BCL2L13: variants seen among roughly 807,000 people sequenced by gnomAD.
BCL2L13 encodes bcl-2-like protein 13.
In BCL2L13, 13 loss-of-function variants were observed where a neutral mutation model predicts 25.8. That is an observed-to-expected ratio of 0.50 (90% CI 0.33 to 0.80). The LOEUF is 0.80. Ranked by LOEUF, BCL2L13 falls within the 30% of genes least tolerant of loss-of-function variation. The pLI is 0.02. For missense variants in BCL2L13, 504 were observed against 574.9 expected, an observed-to-expected ratio of 0.88 and a Z score of 1.26; for synonymous variants, 244 against 230.3, an observed-to-expected ratio of 1.06 and a Z score of -0.54.
chr22:17,669,522 A>C (rs939960130), intron 2 of BCL2L13, among the ~76,000 whole-genome samples: 2 of 152,190 alleles, frequency 1.3e-5, no homozygotes, highest in Non-Finnish European at 2.9e-5. Context: ...TCTGGCAGAA[A>C]GGAACTGAGC....
intron 2 of BCL2L13, among the ~76,000 whole-genome samples, chr22:17,670,774 G>T (rs1419351339): frequency 6.6e-6 from 1 of 152,120 alleles, no homozygotes; most frequent in Non-Finnish European, 1.5e-5. Context: ...TTTCTATCAG[G>T]AACAGAAGAT....
intron 2 of BCL2L13, among the ~76,000 whole-genome samples, chr22:17,656,248 A>AAT (rs1336730469): frequency 6.6e-6 from 1 of 151,002 alleles, no homozygotes; most frequent in Admixed American, 6.6e-5. Flanking sequence ...TCAAAAAAAA[A>AAT]AAAATATACA....
intron 6 of BCL2L13, among the ~76,000 whole-genome samples, chr22:17,721,849 A>G (rs1276299803): frequency 6.6e-6 from 1 of 151,356 alleles, no homozygotes; most frequent in African/African-American, 2.4e-5. Flanking sequence ...TTTAGTAGAG[A>G]CGGGGTTTCA....
At chr22:17,669,714 G>A (rs1032319219) in intron 2 of BCL2L13, among the ~76,000 whole-genome samples, 2 of 152,098 alleles carry the variant, frequency 1.3e-5, no homozygotes, top group African/African-American at 4.8e-5. Flanking sequence ...ATCCATTCGT[G>A]GGTTAATGGA....
intron 1 of BCL2L13, among the ~76,000 whole-genome samples, chr22:17,643,504 C>T (rs908676659): frequency 6.6e-6 from 1 of 152,082 alleles, no homozygotes; most frequent in Admixed American, 6.6e-5. Flanking sequence ...GCTTTGGACT[C>T]CATGTTAACT....
intron 6 of BCL2L13, among the ~76,000 whole-genome samples, chr22:17,713,068 C>T (rs563826163): frequency 6.6e-6 from 1 of 152,106 alleles, no homozygotes; most frequent in Non-Finnish European, 1.5e-5. Context: ...TACATTTAAC[C>T]AGATATAATG....
chr22:17,705,024 T>A (rs1421043589), intron 6 of BCL2L13, among the ~76,000 whole-genome samples: 1 of 151,564 alleles, frequency 6.6e-6, no homozygotes, highest in African/African-American at 2.4e-5. Context: ...CTGAAGAATG[T>A]ACACTTTTTT....
chr22:17,638,794 G>C lies in BCL2L13; in HGVS notation c.-143G>C. 8.1e-7 allele frequency: 1 copy of C among 1,231,806 alleles called. No individual in the cohort carries two copies. The highest frequency in any genetic ancestry group is 4.2e-5 in the Admixed American group (1 of 23,718). The allele number at this position is 1,231,806 out of a possible 1,614,324, so 76.3% of individuals were successfully genotyped here. ...GGCGGCGGCGGTAGATTAGGGCCGCGGGTCGGAGCACTCACCGCCGCTGGG... is the reference window on the plus strand; with the variant it reads ...GGCGGCGGCGGTAGATTAGGGCCGCCGGTCGGAGCACTCACCGCCGCTGGG... On this transcript the variant is annotated 5_prime_UTR_variant, in exon 1 of 7. Coordinates refer to ENST00000317582, the MANE Select transcript of BCL2L13 (RefSeq NM_015367.4).
At chr22:17,700,151 TG>T (rs2060389470) in intron 5 of BCL2L13, among the ~76,000 whole-genome samples, 1 of 152,000 alleles carries the variant, frequency 6.6e-6, no homozygotes, top group South Asian at 2.1e-4. Flanking sequence ...AGAAAGATAC[TG>T]GAATAGGGAA....
At chr22:17,692,217 C>T (rs1448007987) in intron 4 of BCL2L13, 1 of 152,206 alleles carries the variant, frequency 6.6e-6, no homozygotes, top group Non-Finnish European at 1.5e-5. Context: ...TTGCTCTATT[C>T]TAATAGCTCA....
intron 1 of BCL2L13, among the ~76,000 whole-genome samples, chr22:17,631,700 ATATATATTTTTTTTTTTTTTT>A (rs2058030486): frequency 2.9e-3 from 62 of 21,174 alleles, no homozygotes; most frequent in East Asian, 6.5e-3. Context: ...ATATATATAT[ATATATATTTTTTTTTTTTTTT>A]TTTTTTTTTT....
chr22:17,699,483 T>G (rs1296912470), intron 5 of BCL2L13, among the ~76,000 whole-genome samples: 1 of 152,150 alleles, frequency 6.6e-6, no homozygotes, highest in Admixed American at 6.6e-5. Flanking sequence ...TGTCAGGAGA[T>G]TAAATAAGTG....
At chr22:17,693,586 G>C (rs1037594739) in intron 4 of BCL2L13, among the ~76,000 whole-genome samples, 1 of 151,922 alleles carries the variant, frequency 6.6e-6, no homozygotes, top group Non-Finnish European at 1.5e-5. Context: ...CACCAGGTTG[G>C]CCAGGCTGGT....
chr22:17,701,787 G>A (rs951442850), intron 5 of BCL2L13, among the ~76,000 whole-genome samples: 1 of 151,914 alleles, frequency 6.6e-6, no homozygotes, highest in Admixed American at 6.6e-5. Flanking sequence ...TTAGCCAGGC[G>A]TCATGGCGTA....
intron 5 of BCL2L13, among the ~76,000 whole-genome samples, chr22:17,698,840 G>A (rs1490316922): frequency 1.3e-5 from 2 of 152,110 alleles, no homozygotes; most frequent in African/African-American, 4.8e-5. Context: ...ACTACTTTCT[G>A]TCTTAATGAA....
intron 2 of BCL2L13, among the ~76,000 whole-genome samples, chr22:17,670,269 T>G (rs910902030): frequency 1.6e-4 from 25 of 152,286 alleles, no homozygotes; most frequent in African/African-American, 6.0e-4. Context: ...CCATATTAAT[T>G]TTAGGATTGG....
rs552161262 is a variant in BCL2L13 at position 17,696,250 on chromosome 22, G to A, written c.456+40G>A. On this transcript the variant is annotated intron_variant, in intron 5 of 6. Coordinates refer to ENST00000317582, the MANE Select transcript of BCL2L13 (RefSeq NM_015367.4). ...ATCTTTTCTCTTAAAAGATTTTAGT[G>A]TGTTAATGATAAGACGTAGGAGGAA... The A allele has an allele frequency of 7.9e-6, 12 of 1,520,200 alleles. No individual in the cohort carries two copies. In the Admixed American group the frequency reaches 1.3e-4, roughly 17 times the overall value. 94.2% of individuals were successfully genotyped at this position (1,520,200 alleles called of 1,614,324 possible).
At chr22:17,717,424 A>G (rs936660735) in intron 6 of BCL2L13, among the ~76,000 whole-genome samples, 4 of 147,206 alleles carry the variant, frequency 2.7e-5, no homozygotes, top group Non-Finnish European at 4.5e-5. Flanking sequence ...TGAATCTCTC[A>G]TGTTCCCAGA....
chr22:17,723,278 G>GAGGCCT (rs1260473403), intron 6 of BCL2L13, among the ~76,000 whole-genome samples: 1 of 152,116 alleles, frequency 6.6e-6, no homozygotes, highest in Non-Finnish European at 1.5e-5. Flanking sequence ...CAAAAGCTGG[G>GAGGCCT]AGGCCTAGAA....
Sources: allele counts gnomAD v4.1 joint callset (sites outside exome capture counted in the v4.1 genomes callset), GRCh38; gene constraint gnomAD v4.1.1; transcripts MANE v1.5; gene names NCBI Gene and HGNC (gene_info 2026-07-23, HGNC 2026-07-21).